CPSF4: variants seen among roughly 807,000 people sequenced by gnomAD.
CPSF4 encodes the protein cleavage and polyadenylation specific factor 4, also known as cleavage and polyadenylation specificity factor subunit 4.
A neutral mutation model predicts 37.7 loss-of-function variants in CPSF4; 11 were observed. The ratio of observed to expected loss-of-function variants is 0.29; its 90% CI spans 0.18 to 0.48. CPSF4 has a LOEUF of 0.48. Among genes scored for constraint, CPSF4 ranks in the 20% least tolerant of loss-of-function variants. The pLI, the probability that CPSF4 is intolerant of heterozygous loss-of-function variation, is 0.99. For synonymous variants in CPSF4, 132 were observed against 135.9 expected (o/e 0.97, Z 0.20); for missense variants, 144 against 359.5 (o/e 0.40, Z 4.85).
At chr7:99,440,888 C>A (rs1038078493) in intron 1 of CPSF4, among the ~76,000 whole-genome samples, 4 of 150,172 alleles carry the variant, frequency 2.7e-5, no homozygotes, top group African/African-American at 4.9e-5. Flanking sequence ...ACACACACAC[C>A]CCCTCTTACC....
intron 1 of CPSF4, chr7:99,439,459 G>T: frequency 2.8e-6 from 1 of 356,122 alleles, no homozygotes; most frequent in South Asian, 7.3e-5. Flanking sequence ...TCCTCTTCTG[G>T]ATCCCGGGAC....
intron 7 of CPSF4, among the ~76,000 whole-genome samples, chr7:99,455,452 G>A (rs1393217359): frequency 1.3e-5 from 2 of 152,218 alleles, no homozygotes; most frequent in East Asian, 1.9e-4. Context: ...TGTAATCCCA[G>A]CACTTTGGGA....
chr7:99,445,601 G>A (rs1797423670), intron 2 of CPSF4, among the ~76,000 whole-genome samples: 1 of 152,114 alleles, frequency 6.6e-6, no homozygotes, highest in Non-Finnish European at 1.5e-5. Flanking sequence ...GTATCACTAG[G>A]GGTCAGGCGT....
At chr7:99,442,329 C>CTTTTT (rs974678938) in intron 1 of CPSF4, among the ~76,000 whole-genome samples, 4 of 151,310 alleles carry the variant, frequency 2.6e-5, no homozygotes, top group Admixed American at 2.0e-4. Flanking sequence ...AAAGGCTGTG[C>CTTTTT]TTTTTTTTTC....
chr7:99,454,266 T>C (rs1798143150), intron 7 of CPSF4, 130 bp downstream of exon 7: 2 of 864,688 alleles, frequency 2.3e-6, no homozygotes, highest in South Asian at 3.5e-5. Context: ...AGCATAAAGT[T>C]ACAGTCTAGT....
At chr7:99,439,817 ACT>A (rs1796727090) in intron 1 of CPSF4, among the ~76,000 whole-genome samples, 1 of 151,822 alleles carries the variant, frequency 6.6e-6, no homozygotes, top group African/African-American at 2.4e-5. Context: ...CCCCAGCTAG[ACT>A]CTCAAACTCC....
intron 2 of CPSF4, chr7:99,447,708 G>T: frequency 2.5e-6 from 1 of 394,046 alleles, no homozygotes; most frequent in Non-Finnish European, 5.3e-6. Context: ...TCCTGCCTCA[G>T]CCTCCCGAGT....
chr7:99,443,278 T>C (rs1797182989), intron 1 of CPSF4: 2 of 788,396 alleles, frequency 2.5e-6, no homozygotes, highest in Admixed American at 1.8e-5. Flanking sequence ...ACAGTTTTTT[T>C]CAGGGGGTTC....
chr7:99,454,090 C>G lies in CPSF4; in HGVS notation c.695C>G (p.Ala232Gly). 6.2e-7 allele frequency: 1 copy of G among 1,614,136 alleles called. No homozygotes were observed. The highest frequency in any genetic ancestry group is 8.5e-7 in the Non-Finnish European group (1 of 1,180,028). ...GTCATGCAGAGTCAAAACAGCAGCG[C>G]GGGCAACCGGGGACCCCGGCCACTG... is the stretch of plus-strand genomic sequence containing the variant. Reference protein sequence around the residue: ...IGVMQSQNSSAGNRGPRPLEQ... With the variant: ...IGVMQSQNSSGGNRGPRPLEQ... Residue 232 changes from alanine to glycine, a missense_variant, in exon 7 of 8, where the codon GCG becomes GGG. Ala to Gly is a moderately conservative substitution (Grantham distance 60, BLOSUM62 0). Transcript: ENST00000292476.
At chr7:99,440,674 A>ATTTTT (rs1195402168) in intron 1 of CPSF4, among the ~76,000 whole-genome samples, 7 of 88,082 alleles carry the variant, frequency 7.9e-5, no homozygotes, top group African/African-American at 3.9e-4. Context: ...ATATATATAT[A>ATTTTT]TTTTTTTTTT....
Position 99,453,867 on chromosome 7 carries a change from G to C in CPSF4, c.571-99G>C. 1 of 1,177,948 alleles carries C rather than the reference G, an allele frequency of 8.5e-7. No homozygotes were observed. The highest frequency in any genetic ancestry group is 1.2e-6 in the Non-Finnish European group (1 of 819,640). 73.0% of individuals were successfully genotyped at this position (1,177,948 alleles called of 1,614,324 possible). ...CGTCGTGGAAGCCCTGCTTCCTGCC[G>C]TTTGCGGGACGAGTCCCGCCCTCTT... On this transcript the variant is annotated intron_variant, in intron 6 of 7. Coordinates refer to ENST00000292476, the MANE Select transcript of CPSF4 (RefSeq NM_006693.4). The surrounding 1 kb of genome is among the most constrained non-coding windows in gnomAD (Gnocchi z 4.7).
chr7:99,456,372 C>G (rs1798313994), intron 7 of CPSF4, 60 bp from the exon 8 acceptor site: 1 of 1,516,910 alleles, frequency 6.6e-7, no homozygotes, highest in African/African-American at 1.4e-5. Context: ...TAGTTGAAAA[C>G]TGCATTTGAA....
intron 1 of CPSF4, among the ~76,000 whole-genome samples, chr7:99,440,656 ATATATATATATATATATATTT>A (rs1562852714): frequency 3.8e-5 from 3 of 79,596 alleles, no homozygotes; most frequent in African/African-American, 2.9e-4. Flanking sequence ...TGCACCTGGC[ATATATATATATATATATATTT>A]TTTTTTTTTT....
At chr7:99,441,011 T>A (rs1232744395) in intron 1 of CPSF4, among the ~76,000 whole-genome samples, 1 of 146,198 alleles carries the variant, frequency 6.8e-6, no homozygotes, top group African/African-American at 2.6e-5. Flanking sequence ...AGTGCAATGG[T>A]GCGATCTCGG....
In CPSF4 at chr7:99,456,473, G is replaced by A. The variant is rs777639239; in HGVS notation, c.783G>A (p.Gly261=). Residue 261 remains glycine (G), a synonymous_variant, in exon 8 of 8, where the codon GGG becomes GGA. Transcript: ENST00000292476. The stretch of plus-strand genomic sequence containing the variant: ...ACTACGCCAACAGATGCACCAAAGG[G>A]CACTTGGCCTTTCTCAGTGGACAGT... The part of the protein sequence containing the change: ...KGHYANRCTK[G]HLAFLSGQ The A allele has an allele frequency of 6.2e-7, 1 of 1,614,148 alleles. No homozygotes were observed. The highest frequency in any genetic ancestry group is 8.5e-7 in the Non-Finnish European group (1 of 1,180,014).
chr7:99,440,290 C>G (rs1796781407), intron 1 of CPSF4, among the ~76,000 whole-genome samples: 1 of 152,144 alleles, frequency 6.6e-6, no homozygotes, highest in Non-Finnish European at 1.5e-5. Flanking sequence ...TCCCCTCAGG[C>G]GGTCACACCT....
intron 2 of CPSF4, among the ~76,000 whole-genome samples, chr7:99,447,085 C>G (rs1423883366): frequency 1.3e-5 from 2 of 149,930 alleles, no homozygotes; most frequent in East Asian, 3.9e-4. Context: ...GCCACTGTGC[C>G]TGGTCCCCAA....
intron 2 of CPSF4, among the ~76,000 whole-genome samples, chr7:99,447,259 C>CTT (rs886779022): frequency 9.5e-6 from 1 of 105,200 alleles, no homozygotes. Context: ...AAGTTCCTTT[C>CTT]TTTTTTTTTT....
intron 1 of CPSF4, among the ~76,000 whole-genome samples, chr7:99,443,928 G>GA (rs987963530): frequency 2.6e-4 from 39 of 149,724 alleles, no homozygotes; most frequent in South Asian, 8.5e-4. Flanking sequence ...CAAAAAAATA[G>GA]AAAAAAAAAA....
Sources: gnomAD v4.1 joint callset for allele counts (sites outside exome capture counted in the v4.1 genomes callset) on GRCh38, gnomAD v4.1.1 for gene constraint, Gnocchi (gnomAD v3.1) non-coding constraint, MANE v1.5 for transcripts, NCBI Gene and HGNC (gene_info 2026-07-23, HGNC 2026-07-21) for gene names.